The following PPP1R3F variants were observed in gnomAD, a reference collection of about 807,000 sequenced individuals.
PPP1R3F encodes the protein protein phosphatase 1 regulatory subunit 3F.
A neutral mutation model predicts 24.2 loss-of-function variants in PPP1R3F; 29 were observed. The observed-to-expected ratio is 1.20, with a 90% CI of 0.89 to 1.63. PPP1R3F has a LOEUF of 1.63. Ranked by LOEUF, PPP1R3F falls within the 40% of genes most tolerant of loss-of-function variation. The pLI, the probability that PPP1R3F is intolerant of heterozygous loss-of-function variation, is 0.00. For missense variants in PPP1R3F, 823 were observed against 729.3 expected, an observed-to-expected ratio of 1.13 and a Z score of -1.48; for synonymous variants, 363 against 340.1, an observed-to-expected ratio of 1.07 and a Z score of -0.74.
intron 3 of PPP1R3F, among the ~76,000 whole-genome samples, chrX:49,294,781 G>A (rs782410748): frequency 1.9e-5 from 2 of 107,903 alleles, no homozygotes; most frequent in African/African-American, 6.9e-5. Flanking sequence ...GTGGTGGCAG[G>A]CGCCTGTAGT....
chrX:49,269,915 C>A lies in PPP1R3F; in HGVS notation c.46C>A (p.Pro16Thr). 1 of 905,866 alleles carries A rather than the reference C, an allele frequency of 1.1e-6. No homozygotes were observed. The highest frequency in any genetic ancestry group is 1.4e-6 in the Non-Finnish European group (1 of 735,530). The allele number at this position is 905,866 out of a possible 1,213,427, so 74.7% of individuals were successfully genotyped here. A position where few individuals can be genotyped will look rare whatever the true frequency, so the allele number is the denominator to read the frequency against. Reference protein sequence around the residue: ...PVEPPLRHSAPPSPAAGEPRT... With the variant: ...PVEPPLRHSATPSPAAGEPRT... ...GGAGCCCCCGCTGCGGCATTCCGCG[C>A]CCCCCTCGCCGGCCGCGGGTGAGCC... The change falls in exon 1 of 4, where the codon CCC becomes ACC. Residue 16 changes from proline (P) to threonine (T), a missense_variant. Coordinates refer to ENST00000055335, the MANE Select transcript of PPP1R3F (RefSeq NM_033215.5).
At chrX:49,293,308 A>G (rs2066314140) in intron 3 of PPP1R3F, among the ~76,000 whole-genome samples, 1 of 112,448 alleles carries the variant, frequency 8.9e-6, no homozygotes, top group Non-Finnish European at 1.9e-5. Flanking sequence ...ATATGCCATC[A>G]TTTATTATTA....
chrX:49,270,370 G>A lies in PPP1R3F; in HGVS notation c.501G>A (p.Leu167=). 15 of 1,158,807 alleles carry A rather than the reference G, an allele frequency of 1.3e-5. No homozygotes were observed. The highest frequency in any genetic ancestry group is 1.6e-5 in the Non-Finnish European group (14 of 874,723). The change falls in exon 1 of 4, where the codon TTG becomes TTA. Residue 167 remains leucine (L), a synonymous_variant. Transcript: ENST00000055335. ...PGGRPPVLRG[L]VRVLNRSFEK... ...GCCGCCCGCCGGTGCTGCGCGGGTTGGTACGCGTGCTGAACCGCTCCTTCG... is the reference window on the plus strand; with the variant it reads ...GCCGCCCGCCGGTGCTGCGCGGGTTAGTACGCGTGCTGAACCGCTCCTTCG...
rs782603736 is a variant in PPP1R3F at position 49,286,411 on chromosome X, A to C, written c.1721A>C (p.Asp574Ala). ...CTCATCAAGGACACCGAAGACCCTGATGATGAAGGGGAGGGTGAAGAGGGG... is the reference window on the plus strand; with the variant it reads ...CTCATCAAGGACACCGAAGACCCTGCTGATGAAGGGGAGGGTGAAGAGGGG... ...VELIKDTEDP[D>A]DEGEGEEGLS... Residue 574 changes from aspartate to alanine, a missense_variant, in exon 4 of 4, where the codon GAT becomes GCT. Physicochemically the swap from Asp to Ala is moderately radical, Grantham distance 126 (BLOSUM62 -2). Coordinates refer to ENST00000055335, the MANE Select transcript of PPP1R3F (RefSeq NM_033215.5). 2 of 1,192,063 alleles carry C rather than the reference A, an allele frequency of 1.7e-6. No homozygotes were observed. Among genetic ancestry groups the C allele is most frequent in the Non-Finnish European group, 2.3e-6 (2 of 883,192 alleles).
chrX:49,281,222 C>A (rs1202916776), intron 1 of PPP1R3F, 184 bp from the exon 2 acceptor site: 8 of 317,487 alleles, frequency 2.5e-5, no homozygotes, highest in Non-Finnish European at 3.8e-5. Context: ...CTGTATTTTG[C>A]GAATTTTCTA....
intron 1 of PPP1R3F, among the ~76,000 whole-genome samples, chrX:49,278,131 G>A (rs1441547499): frequency 2.7e-5 from 3 of 112,294 alleles, no homozygotes; most frequent in African/African-American, 9.7e-5. Context: ...CAACTGAATT[G>A]TGGAGTCCTT....
intron 1 of PPP1R3F, chrX:49,281,176 G>T (rs1557120672): frequency 3.3e-6 from 1 of 300,204 alleles, no homozygotes; most frequent in African/African-American, 2.7e-5. Flanking sequence ...GTCTCTGGCT[G>T]ATGTGTGATT....
At chrX:49,290,320 C>T (rs1438691404), downstream of PPP1R3F, among the ~76,000 whole-genome samples, 8 of 110,583 alleles carry the variant, frequency 7.2e-5, no homozygotes, top group African/African-American at 2.3e-4. Flanking sequence ...AATCCTCTAT[C>T]GTGTGCCCCT....
chrX:49,298,034 T>C (rs1445624636), intron 3 of PPP1R3F, among the ~76,000 whole-genome samples: 1 of 110,498 alleles, frequency 9.0e-6, no homozygotes, highest in Admixed American at 9.7e-5. Flanking sequence ...TTAATATTGT[T>C]ATGTGTGAAT....
chrX:49,269,918 C>T lies in PPP1R3F; in HGVS notation c.49C>T (p.Pro17Ser). 1 of 906,388 alleles carries T rather than the reference C, an allele frequency of 1.1e-6. No individual in the cohort carries two copies. Among genetic ancestry groups the T allele is most frequent in the Non-Finnish European group, 1.4e-6 (1 of 735,900 alleles). 74.7% of individuals were successfully genotyped at this position (906,388 alleles called of 1,213,427 possible). The change falls in exon 1 of 4, where the codon CCC (proline) becomes TCC (serine). Residue 17 changes from proline to serine, a missense_variant. Pro to Ser is a moderately conservative substitution (Grantham distance 74). Transcript: ENST00000055335. Reference sequence around the variant, plus strand: ...GCCCCCGCTGCGGCATTCCGCGCCCCCCTCGCCGGCCGCGGGTGAGCCCCG... The same window carrying T: ...GCCCCCGCTGCGGCATTCCGCGCCCTCCTCGCCGGCCGCGGGTGAGCCCCG... ...VEPPLRHSAP[P>S]SPAAGEPRTS...
At chrX:49,300,313 A>G (rs1016395741) in intron 3 of PPP1R3F, among the ~76,000 whole-genome samples, 82 of 109,802 alleles carry the variant, frequency 7.5e-4, no homozygotes, top group African/African-American at 2.7e-3. Flanking sequence ...GCCCCACTCT[A>G]CTTCGGCTTG....
chrX:49,295,544 ATAT>A (rs2066320700), intron 3 of PPP1R3F, among the ~76,000 whole-genome samples: 1 of 90,478 alleles, frequency 1.1e-5, no homozygotes, highest in African/African-American at 3.5e-5. Context: ...TGAATTGGTA[ATAT>A]TATGTTGAGG....
intron 3 of PPP1R3F, among the ~76,000 whole-genome samples, chrX:49,298,379 C>T (rs1557123048): frequency 8.9e-6 from 1 of 112,264 alleles, no homozygotes; most frequent in Admixed American, 9.4e-5. Flanking sequence ...CTGCAGAGAT[C>T]CACTCTTAGT....
intron 3 of PPP1R3F, among the ~76,000 whole-genome samples, chrX:49,284,993 C>T (rs1221908226): frequency 9.0e-6 from 1 of 110,888 alleles, no homozygotes; most frequent in Non-Finnish European, 1.9e-5. Context: ...ATCATGGGTT[C>T]ATATGGACAT....
chrX:49,270,145 G>T lies in PPP1R3F; in HGVS notation c.276G>T (p.Glu92Asp). The change falls in exon 1 of 4, where the codon GAG becomes GAT. Residue 92 changes from glutamate to aspartate, a missense_variant. Glu to Asp is a conservative substitution (Grantham distance 45, BLOSUM62 2). Coordinates refer to ENST00000055335, the MANE Select transcript of PPP1R3F (RefSeq NM_033215.5). ...DDDGEDGDEG[E>D]EEEEACPEPS... ...ATGGCGAGGATGGGGATGAAGGGGA[G>T]GAGGAAGAGGAGGCTTGCCCCGAGC... The T allele has an allele frequency of 9.3e-7, 1 of 1,075,484 alleles. No homozygotes were observed. Among genetic ancestry groups the T allele is most frequent in the Admixed American group, 3.8e-5 (1 of 26,581 alleles). 88.6% of individuals were successfully genotyped at this position (1,075,484 alleles called of 1,213,427 possible).
chrX:49,291,719 T>C (rs782098060), downstream of PPP1R3F, among the ~76,000 whole-genome samples: 26 of 110,574 alleles, frequency 2.4e-4, no homozygotes, highest in African/African-American at 6.6e-4. Context: ...CATGTTCTTA[T>C]CAGCCCTGAG....
chrX:49,270,546 C>G lies in PPP1R3F; in HGVS notation c.677C>G (p.Pro226Arg). 8.3e-7 allele frequency: 1 copy of G among 1,204,239 alleles called. No individual in the cohort carries two copies. Among genetic ancestry groups the G allele is most frequent in the Middle Eastern group, 2.4e-4 (1 of 4,223 alleles). ...PILDPGLGLG[P>R]GQASASSPDD... ...CTGGATCCGGGGCTCGGCCTGGGTC[C>G]CGGCCAGGCATCCGCCTCCTCGCCC... Residue 226 changes from proline to arginine, a missense_variant, in exon 1 of 4, where the codon CCC (proline) becomes CGC (arginine). Transcript: ENST00000055335.
Position 49,284,006 on chromosome X carries a change from T to A in PPP1R3F, c.1144-1828T>A, listed in dbSNP as rs1003148674. Among the ~76,000 whole-genome samples the A allele has an allele frequency of 1.1e-4, 12 of 111,955 alleles. No homozygotes were observed. The South Asian group carries it at 1.5e-3, about 14-fold the overall frequency. Reference sequence around the variant, plus strand: ...GAAAAAGCAGTGTAAATATTTAATTTTTTCCATTTTATTTACCAGTTTTCA... The same window carrying A: ...GAAAAAGCAGTGTAAATATTTAATTATTTCCATTTTATTTACCAGTTTTCA... On this transcript the variant is annotated intron_variant, in intron 3 of 3. Transcript: ENST00000055335.
downstream of PPP1R3F, among the ~76,000 whole-genome samples, chrX:49,288,885 A>T (rs1273259879): frequency 8.9e-6 from 1 of 111,993 alleles, no homozygotes; most frequent in Non-Finnish European, 1.9e-5. Flanking sequence ...TCACTCTTGT[A>T]ATCCCAGCAC....
Sources: allele counts gnomAD v4.1 joint callset (sites outside exome capture counted in the v4.1 genomes callset), GRCh38; gene constraint gnomAD v4.1.1; transcripts MANE v1.5; gene names NCBI Gene and HGNC (gene_info 2026-07-23, HGNC 2026-07-21).